Variants in MAN1A2 observed in about 807,000 individuals in gnomAD.
MAN1A2 encodes mannosidase alpha class 1A member 2.
A neutral mutation model predicts 75.7 loss-of-function variants in MAN1A2; 26 were observed. The observed-to-expected ratio is 0.34, with a 90% CI of 0.25 to 0.48. The LOEUF (loss-of-function observed/expected upper bound fraction) is 0.48, where lower values mean the gene tolerates loss of function less well. Ranked by LOEUF, MAN1A2 falls within the 20% of genes least tolerant of loss-of-function variation. The probability of loss-of-function intolerance (pLI) is 0.99; values close to 1 mark genes in which losing one functional copy is unlikely to be tolerated. For synonymous variants in MAN1A2, 247 were observed against 264.6 expected, an observed-to-expected ratio of 0.93 and a Z score of 0.65; for missense variants, 562 against 775.5, an observed-to-expected ratio of 0.72 and a Z score of 3.27.
At chr1:117,450,789 G>A (rs958232674) in intron 6 of MAN1A2, among the ~76,000 whole-genome samples, 8 of 152,220 alleles carry the variant, frequency 5.3e-5, no homozygotes, top group Non-Finnish European at 1.2e-4. Context: ...GTGCACAGAA[G>A]TCAAGAATTG....
chr1:117,460,455 C>G (rs1649781699), intron 6 of MAN1A2, 34 bp from the exon 7 acceptor site: 1 of 1,546,992 alleles, frequency 6.5e-7, no homozygotes, highest in Admixed American at 1.9e-5. Context: ...TTTTCCCAAT[C>G]CTGTGTCTCC....
At chr1:117,463,064 T>G (rs530463867) in intron 7 of MAN1A2, among the ~76,000 whole-genome samples, 1 of 151,890 alleles carries the variant, frequency 6.6e-6, no homozygotes, top group Non-Finnish European at 1.5e-5. Context: ...GACATAATTT[T>G]CCCTGTTCTG....
intron 1 of MAN1A2, among the ~76,000 whole-genome samples, chr1:117,375,997 C>T (rs1439384336): frequency 1.3e-5 from 2 of 151,250 alleles, no homozygotes; most frequent in Admixed American, 1.3e-4. Flanking sequence ...CTGCAAGCTC[C>T]GCCTCCTGGG....
intron 1 of MAN1A2, among the ~76,000 whole-genome samples, chr1:117,373,219 T>C (rs1285058608): frequency 6.6e-6 from 1 of 152,170 alleles, no homozygotes; most frequent in Non-Finnish European, 1.5e-5. Context: ...CAATTTTAAT[T>C]TTCTTGTCAT....
rs1454714844 is a variant in MAN1A2, at chr1:117,524,548, T to C, written c.*1591T>C. 1 of 151,808 alleles carries C rather than the reference T, an allele frequency of 6.6e-6. No individual in the cohort carries two copies. Among genetic ancestry groups the C allele is most frequent in the Admixed American group, 6.6e-5 (1 of 15,170 alleles). The allele number at this position is 151,808 out of a possible 1,614,324, so 9.4% of individuals were successfully genotyped here. On this transcript the variant is annotated 3_prime_UTR_variant, in exon 13 of 13. Transcript: ENST00000356554. ...CACCTTGGAATTCTGAAGGCTTATT[T>C]TCTTGTTTGATAAGCTTTTCTTTTA... is the stretch of plus-strand genomic sequence containing the variant.
At chr1:117,421,899 C>T (rs546555715) in intron 5 of MAN1A2, among the ~76,000 whole-genome samples, 7 of 152,062 alleles carry the variant, frequency 4.6e-5, no homozygotes, top group Admixed American at 2.6e-4. Flanking sequence ...CCCAAAGGAC[C>T]GATTCAGTGG....
intron 12 of MAN1A2, among the ~76,000 whole-genome samples, chr1:117,511,638 A>G (rs1360075426): frequency 2.0e-5 from 3 of 152,136 alleles, no homozygotes; most frequent in African/African-American, 7.2e-5. Flanking sequence ...GTTAGGCAAG[A>G]AAAGAACTTG....
chr1:117,458,516 T>G (rs865929455), intron 6 of MAN1A2, among the ~76,000 whole-genome samples: 8 of 108,022 alleles, frequency 7.4e-5, no homozygotes, highest in South Asian at 3.2e-4. Flanking sequence ...TATATAGATA[T>G]ATATATATTT....
intron 12 of MAN1A2, among the ~76,000 whole-genome samples, chr1:117,512,540 C>T (rs1175295479): frequency 6.6e-6 from 1 of 152,034 alleles, no homozygotes; most frequent in East Asian, 1.9e-4. Context: ...CCCAGTAAAA[C>T]ACTTATGGAG....
chr1:117,399,058 T>A (rs1201190686), intron 1 of MAN1A2, among the ~76,000 whole-genome samples: 1 of 152,142 alleles, frequency 6.6e-6, no homozygotes, highest in Non-Finnish European at 1.5e-5. Context: ...AAAGGAGGAC[T>A]ATGACTAAGT....
At chr1:117,506,892 A>G (rs1417678141) in intron 12 of MAN1A2, among the ~76,000 whole-genome samples, 1 of 151,552 alleles carries the variant, frequency 6.6e-6, no homozygotes, top group African/African-American at 2.4e-5. Flanking sequence ...GAGATTCAGT[A>G]AGAAGGAAGA....
intron 6 of MAN1A2, 23 bp downstream of exon 6, chr1:117,442,348 A>T: frequency 6.9e-7 from 1 of 1,449,158 alleles, no homozygotes; most frequent in Non-Finnish European, 9.7e-7. Flanking sequence ...GGGTATTCTT[A>T]TTCTGGAAGA....
At chr1:117,508,635 T>A (rs1651441440) in intron 12 of MAN1A2, among the ~76,000 whole-genome samples, 1 of 151,714 alleles carries the variant, frequency 6.6e-6, no homozygotes, top group South Asian at 2.1e-4. Context: ...TAAAAATAAG[T>A]CATTATTTGT....
intron 10 of MAN1A2, 74 bp from the exon 11 acceptor site, chr1:117,499,308 A>G: frequency 9.4e-7 from 1 of 1,059,294 alleles, no homozygotes; most frequent in Non-Finnish European, 1.3e-6. Context: ...CTGTTCTTTC[A>G]GGGAAGAAAG....
Position 117,368,301 on chromosome 1 carries a change from C to A in MAN1A2, c.118C>A (p.Leu40Ile), listed in dbSNP as rs556438994. ...TLRLSEKFIL[L>I]LILSAFITLC... ...GAGACTTTCTGAGAAGTTTATTCTT[C>A]TCCTTATTCTTAGTGCCTTCATCAC... The change falls in exon 1 of 13, where the codon CTC becomes ATC. Residue 40 changes from leucine to isoleucine, a missense_variant. This residue lies in a region of MAN1A2 where 128 missense variants were observed against 129.8 expected (regional missense o/e 0.99). Transcript: ENST00000356554. The A allele has an allele frequency of 1.9e-6, 3 of 1,614,048 alleles. No individual in the cohort carries two copies. Among genetic ancestry groups the A allele is most frequent in the Non-Finnish European group, 2.5e-6 (3 of 1,180,028 alleles).
In MAN1A2 at chr1:117,460,616, T is replaced by A. The variant is rs767006880; in HGVS notation, c.1074+4T>A. The A allele has an allele frequency of 6.3e-7, 1 of 1,599,142 alleles. No individual in the cohort carries two copies. Among genetic ancestry groups the A allele is most frequent in the Non-Finnish European group, 8.5e-7 (1 of 1,175,016 alleles). ...GGACCTGACTTACTACAAAAAGGTTTGTTTTCTTGCCTTCTATTCTTTGTT... is the reference window on the plus strand; with the variant it reads ...GGACCTGACTTACTACAAAAAGGTTAGTTTTCTTGCCTTCTATTCTTTGTT... On this transcript the variant is annotated splice_donor_region_variant and intron_variant, in intron 7 of 12. Coordinates refer to ENST00000356554, the MANE Select transcript of MAN1A2 (RefSeq NM_006699.5).
At chr1:117,474,388 T>TG (rs1283540462) in intron 8 of MAN1A2, among the ~76,000 whole-genome samples, 3 of 150,476 alleles carry the variant, frequency 2.0e-5, no homozygotes, top group South Asian at 2.1e-4. Context: ...TTCCATGAGT[T>TG]TTTTTTTTTT....
intron 9 of MAN1A2, among the ~76,000 whole-genome samples, chr1:117,496,273 T>C (rs1260935319): frequency 6.6e-6 from 1 of 151,958 alleles, no homozygotes; most frequent in Admixed American, 6.6e-5. Flanking sequence ...TAAGAACATA[T>C]TCCAAAGGAG....
chr1:117,405,889 G>A (rs564671930), intron 3 of MAN1A2, among the ~76,000 whole-genome samples: 9 of 152,124 alleles, frequency 5.9e-5, no homozygotes, highest in African/African-American at 2.2e-4. Flanking sequence ...GTATTTAAAA[G>A]CTTTTTTTTG....
Sources: allele counts gnomAD v4.1 joint callset (sites outside exome capture counted in the v4.1 genomes callset), GRCh38; gene constraint gnomAD v4.1.1; regional missense constraint gnomAD v4.1.1; transcripts MANE v1.5; gene names NCBI Gene and HGNC (gene_info 2026-07-23, HGNC 2026-07-21).